The following RNF38 variants were observed in gnomAD, a reference collection of about 807,000 sequenced individuals.
RNF38 encodes E3 ubiquitin-protein ligase RNF38.
RNF38 carries 15 observed loss-of-function variants against 67.2 expected under a neutral mutation model. The ratio of observed to expected loss-of-function variants is 0.22; its 90% CI spans 0.15 to 0.34. The LOEUF (loss-of-function observed/expected upper bound fraction) is 0.34. Ranked by LOEUF, RNF38 falls within the 10% of genes least tolerant of loss-of-function variation. The probability of loss-of-function intolerance (pLI) is 1.00; values close to 1 mark genes in which losing one functional copy is unlikely to be tolerated. For synonymous variants in RNF38, 220 were observed against 218.8 expected (o/e 1.01, Z -0.05); for missense variants, 524 against 639.9 (o/e 0.82, Z 1.95).
chr9:36,468,739 G>A (rs1246747600), intron 1 of RNF38, among the ~76,000 whole-genome samples: 1 of 151,956 alleles, frequency 6.6e-6, no homozygotes, highest in Non-Finnish European at 1.5e-5. Flanking sequence ...TTGAACCTGG[G>A]AGGCAGAGGT....
At position 36,341,450 on chromosome 9, in the gene RNF38, TA is replaced by T. The variant is rs1233955252; in HGVS notation, c.1485+874del. On this transcript the variant is annotated intron_variant, in intron 11 of 11. Transcript: ENST00000259605. ...TTAAAAAATAACATAAATTTGACTATATTTTTTTTATATAGTCATGGAGCCA... is the reference window on the plus strand; with the variant it reads ...TTAAAAAATAACATAAATTTGACTATTTTTTTTTATATAGTCATGGAGCCA... Among the ~76,000 whole-genome samples, 18 of 152,300 alleles carry T rather than the reference TA, an allele frequency of 1.2e-4. No individual in the cohort carries two copies. In the East Asian group the frequency reaches 1.5e-3, roughly 13 times the overall value.
intron 9 of RNF38, among the ~76,000 whole-genome samples, 179 bp downstream of exon 9, chr9:36,350,936 A>G (rs1833645636): frequency 1.3e-5 from 2 of 152,208 alleles, no homozygotes; most frequent in South Asian, 4.1e-4. Flanking sequence ...CAAATTTTTA[A>G]AAGGTTATTG....
intron 1 of RNF38, among the ~76,000 whole-genome samples, chr9:36,397,629 A>C (rs2134108292): frequency 6.6e-6 from 1 of 152,262 alleles, no homozygotes; most frequent in East Asian, 1.9e-4. Flanking sequence ...AGGCTCCCCT[A>C]CTTCCTTTCC....
intron 2 of RNF38, among the ~76,000 whole-genome samples, chr9:36,387,726 G>A (rs1435890518): frequency 1.3e-5 from 2 of 152,118 alleles, no homozygotes; most frequent in Non-Finnish European, 2.9e-5. Flanking sequence ...TTATAGAGAT[G>A]CAAATGAGCC....
chr9:36,446,810 G>GAAAAAA lies in RNF38; in HGVS notation n.242-22133_242-22128dup, dbSNP rs60691553. On this transcript the variant is annotated intron_variant and non_coding_transcript_variant, in intron 1 of 3. Coordinates refer to the RNF38 transcript ENST00000488058. ...GCGACAGAGTGAGACTCCGCCTCAA[G>GAAAAAA]AAAAAAAAAAAAAAAAAAAAAAAAA... Among the ~76,000 whole-genome samples, 99 of 28,204 alleles carry GAAAAAA rather than the reference G, an allele frequency of 3.5e-3. 22 individuals carry two copies. The highest frequency in any genetic ancestry group is 9.7e-3 in the African/African-American group (75 of 7,704). The allele number at this position is 28,204 out of a possible 152,430, so 18.5% of individuals were successfully genotyped here.
chr9:36,355,361 T>G (rs953985598), intron 6 of RNF38, among the ~76,000 whole-genome samples: 3 of 152,194 alleles, frequency 2.0e-5, no homozygotes, highest in African/African-American at 7.2e-5. Context: ...TGGACCTTTT[T>G]TCCTGTGCCC....
chr9:36,402,742 A>G (rs1479150146), upstream of RNF38, among the ~76,000 whole-genome samples: 1 of 152,208 alleles, frequency 6.6e-6, no homozygotes, highest in Non-Finnish European at 1.5e-5. Flanking sequence ...AATCCCTCTG[A>G]GCTTCAGCCA....
chr9:36,461,842 G>T (rs1210748829), intron 1 of RNF38, among the ~76,000 whole-genome samples: 1 of 152,134 alleles, frequency 6.6e-6, no homozygotes, highest in Non-Finnish European at 1.5e-5. Flanking sequence ...TTTCAGTTTG[G>T]ACATGTGAAG....
intron 2 of RNF38, among the ~76,000 whole-genome samples, chr9:36,381,640 C>T (rs1836221057): frequency 6.6e-6 from 1 of 152,222 alleles, no homozygotes; most frequent in South Asian, 2.1e-4. Context: ...TTAGACAAAG[C>T]TTTACTCTAT....
chr9:36,347,866 G>C (rs900496279), intron 9 of RNF38, among the ~76,000 whole-genome samples: 6 of 151,718 alleles, frequency 4.0e-5, no homozygotes, highest in Admixed American at 2.0e-4. Context: ...CATGAGATCA[G>C]GAGATCGAGA....
rs144791269 is a variant in RNF38 at position 36,350,037 on chromosome 9, C to T, written c.1263+1078G>A. 5.4e-3 allele frequency among the ~76,000 whole-genome samples: 828 copies of T among 152,100 alleles called. 11 individuals carry two copies. The highest frequency in any genetic ancestry group is 0.019 in the African/African-American group (786 of 41,474). ...TTCACCATGTTGGCCAGGCTGGCCT[C>T]GAACTCCTGACCTCAGGTGATTTAC... On this transcript the variant is annotated intron_variant, in intron 9 of 11. Transcript: ENST00000259605.
rs560413356 is a variant in RNF38 at position 36,391,274 on chromosome 9, A to C, written c.13-658T>G. Among the ~76,000 whole-genome samples, 5 of 152,336 alleles carry C rather than the reference A, an allele frequency of 3.3e-5. No homozygotes were observed. In the East Asian group the frequency reaches 9.6e-4, roughly 29 times the overall value. ...GTAATCCCAGCACTTTGGTATGCCA[A>C]GGTGGGAGGATCGCCCCAGTTATCT... On this transcript the variant is annotated intron_variant, in intron 1 of 11. Coordinates refer to ENST00000259605, the MANE Select transcript of RNF38 (RefSeq NM_022781.5).
At position 36,400,191 on chromosome 9, in the gene RNF38, C is replaced by T; in HGVS notation, c.-83G>A. Reference sequence around the variant, plus strand: ...GTTTCAAAAACCAACCTCTCTCACGCTTCAACCCTGAAAGGAAGAACTTGC... The same window carrying T: ...GTTTCAAAAACCAACCTCTCTCACGTTTCAACCCTGAAAGGAAGAACTTGC... On this transcript the variant is annotated 5_prime_UTR_variant, in exon 1 of 12. Coordinates refer to ENST00000259605, the MANE Select transcript of RNF38 (RefSeq NM_022781.5). The T allele has an allele frequency of 3.2e-6, 5 of 1,569,074 alleles. No homozygotes were observed. Among genetic ancestry groups the T allele is most frequent in the Non-Finnish European group, 4.3e-6 (5 of 1,159,606 alleles).
chr9:36,468,758 G>A (rs1839925393), intron 1 of RNF38, among the ~76,000 whole-genome samples: 1 of 152,022 alleles, frequency 6.6e-6, no homozygotes, highest in Non-Finnish European at 1.5e-5. Flanking sequence ...GTTGCAGTGA[G>A]CCGAGATCAT....
At chr9:36,370,202 G>T (rs963669787) in intron 3 of RNF38, among the ~76,000 whole-genome samples, 2 of 152,068 alleles carry the variant, frequency 1.3e-5, no homozygotes, top group African/African-American at 4.8e-5. Context: ...ATATGAAATT[G>T]CCCTTTTTAT....
At chr9:36,365,884 T>G (rs1272964670) in intron 4 of RNF38, among the ~76,000 whole-genome samples, 1 of 152,016 alleles carries the variant, frequency 6.6e-6, no homozygotes, top group Non-Finnish European at 1.5e-5. Context: ...CAGGCTGGTC[T>G]CAAACTCCTG....
At chr9:36,442,378 C>T (rs1839210988) in intron 1 of RNF38, among the ~76,000 whole-genome samples, 1 of 152,188 alleles carries the variant, frequency 6.6e-6, no homozygotes, top group Non-Finnish European at 1.5e-5. Flanking sequence ...TTCCCTCCAT[C>T]CACCTACCCA....
At chr9:36,376,172 G>C in intron 2 of RNF38, 45 bp from the exon 3 acceptor site, 1 of 1,418,886 alleles carries the variant, frequency 7.0e-7, no homozygotes, top group Non-Finnish European at 9.5e-7. Flanking sequence ...ATCTTTTAAA[G>C]ATTTCACATT....
chr9:36,347,932 C>T lies in RNF38; in HGVS notation c.1264-2979G>A, dbSNP rs537817140. Among the ~76,000 whole-genome samples, 5 of 152,072 alleles carry T rather than the reference C, an allele frequency of 3.3e-5. No homozygotes were observed. The South Asian group carries it at 8.3e-4, about 25-fold the overall frequency. On this transcript the variant is annotated intron_variant, in intron 9 of 11. Coordinates refer to ENST00000259605, the MANE Select transcript of RNF38 (RefSeq NM_022781.5). ...TCTACTAAAAATACAAAAAATGAGC[C>T]GGTCATGGTGGCGGGCGCCTGTAGT...
Sources: allele counts gnomAD v4.1 joint callset (sites outside exome capture counted in the v4.1 genomes callset), GRCh38; gene constraint gnomAD v4.1.1; transcripts MANE v1.5; gene names NCBI Gene and HGNC (gene_info 2026-07-23, HGNC 2026-07-21).